The following FA2H variants were observed in gnomAD, a reference collection of about 807,000 sequenced individuals.
FA2H encodes the protein fatty acid 2-hydroxylase.
FA2H carries 22 observed loss-of-function variants against 44.9 expected under a neutral mutation model. The observed-to-expected ratio is 0.49, with a 90% CI of 0.35 to 0.70. The LOEUF (loss-of-function observed/expected upper bound fraction) is 0.70. Among genes scored for constraint, FA2H ranks in the 30% least tolerant of loss-of-function variants. The pLI, the probability that FA2H is intolerant of heterozygous loss-of-function variation, is 0.01. For missense variants in FA2H, 501 were observed against 504.9 expected (o/e 0.99, Z 0.07); for synonymous variants, 243 against 213.2 (o/e 1.14, Z -1.22).
intron 1 of FA2H, among the ~76,000 whole-genome samples, chr16:74,753,457 G>A (rs950060603): frequency 2.0e-5 from 3 of 152,182 alleles, no homozygotes; most frequent in African/African-American, 7.2e-5. Context: ...CGAGGCGGAT[G>A]GATCATGAGG....
intron 4 of FA2H, among the ~76,000 whole-genome samples, chr16:74,723,725 G>C (rs1961888981): frequency 6.6e-6 from 1 of 152,148 alleles, no homozygotes; most frequent in African/African-American, 2.4e-5. Flanking sequence ...GAAGTGCAGA[G>C]AGCACAGGCA....
intron 1 of FA2H, among the ~76,000 whole-genome samples, chr16:74,772,443 T>C (rs1962927598): frequency 6.6e-6 from 1 of 152,218 alleles, no homozygotes; most frequent in African/African-American, 2.4e-5. Flanking sequence ...ATTATCCCAT[T>C]AGCTCCATGA....
In FA2H at chr16:74,774,659, G is replaced by C; in HGVS notation, c.97C>G (p.Leu33Val). The change falls in exon 1 of 7, where the codon CTC becomes GTC. Residue 33 changes from leucine (L) to valine (V), a missense_variant. Transcript: ENST00000219368. ...CGCACGAAGCTGGAGAGGTCGTAGAGGCGGGCCCCGCGGCGGACCCAGCAC... is the reference window on the plus strand; with the variant it reads ...CGCACGAAGCTGGAGAGGTCGTAGACGCGGGCCCCGCGGCGGACCCAGCAC... ...GACWVRRGARLYDLSSFVRHH... is the reference protein window; with the variant it reads ...GACWVRRGARVYDLSSFVRHH... 1 of 1,442,686 alleles carries C rather than the reference G, an allele frequency of 6.9e-7. No individual in the cohort carries two copies. The highest frequency in any genetic ancestry group is 9.1e-7 in the Non-Finnish European group (1 of 1,101,012). The allele number at this position is 1,442,686 out of a possible 1,614,324, so 89.4% of individuals were successfully genotyped here. A position where few individuals can be genotyped will look rare whatever the true frequency, so the allele number is the denominator to read the frequency against.
At chr16:74,748,738 A>C (rs1331843667) in intron 1 of FA2H, among the ~76,000 whole-genome samples, 3 of 149,758 alleles carry the variant, frequency 2.0e-5, no homozygotes, top group Non-Finnish European at 4.5e-5. Flanking sequence ...TCCACCATAG[A>C]GGCCGCGTGA....
chr16:74,726,641 C>T (rs542605204), intron 3 of FA2H, among the ~76,000 whole-genome samples: 2 of 152,368 alleles, frequency 1.3e-5, no homozygotes, highest in African/African-American at 4.8e-5. Context: ...CCCACCTTGG[C>T]CTCCCAAAGT....
At chr16:74,756,029 G>C (rs769946553) in intron 1 of FA2H, among the ~76,000 whole-genome samples, 2 of 152,184 alleles carry the variant, frequency 1.3e-5, no homozygotes, top group South Asian at 2.1e-4. Flanking sequence ...TGAAAGGAAC[G>C]AGGAGGAGAT....
intron 1 of FA2H, among the ~76,000 whole-genome samples, chr16:74,753,093 G>C (rs1962557076): frequency 6.6e-6 from 1 of 152,248 alleles, no homozygotes; most frequent in Admixed American, 6.5e-5. Context: ...GTGTGGGTGT[G>C]ATCCCTGCGT....
At chr16:74,742,561 C>T (rs191625727) in intron 1 of FA2H, among the ~76,000 whole-genome samples, 9 of 152,286 alleles carry the variant, frequency 5.9e-5, no homozygotes, top group East Asian at 5.8e-4. Flanking sequence ...AAGGCAGGCA[C>T]GGTAGCCGAT....
chr16:74,749,818 C>T (rs1467868447), intron 1 of FA2H, among the ~76,000 whole-genome samples: 1 of 152,164 alleles, frequency 6.6e-6, no homozygotes, highest in African/African-American at 2.4e-5. Context: ...CCTCTAACCT[C>T]GGATTAGGGC....
At chr16:74,742,711 G>A (rs913091001) in intron 1 of FA2H, among the ~76,000 whole-genome samples, 25 of 152,184 alleles carry the variant, frequency 1.6e-4, no homozygotes, top group Admixed American at 3.3e-4. Context: ...GGTAGTGTGC[G>A]CTTGCAGTCC....
intron 5 of FA2H, chr16:74,716,844 G>GGGATGGGCA (rs934509108): frequency 1.9e-5 from 10 of 525,000 alleles, no homozygotes; most frequent in East Asian, 9.6e-5. Context: ...TGGGATGGGC[G>GGGATGGGCA]GGATGGGCAG....
At chr16:74,727,435 A>G in intron 2 of FA2H, 49 bp from the exon 3 acceptor site, 1 of 1,597,886 alleles carries the variant, frequency 6.3e-7, no homozygotes. Context: ...GTCTTCCCAT[A>G]TTCGTTCTCC....
At chr16:74,739,200 C>A (rs1379172296) in intron 2 of FA2H, among the ~76,000 whole-genome samples, 1 of 152,176 alleles carries the variant, frequency 6.6e-6, no homozygotes, top group East Asian at 1.9e-4. Flanking sequence ...GCTGTGAGCT[C>A]TCGCAGGGAG....
At chr16:74,734,726 G>A (rs891364890) in intron 2 of FA2H, among the ~76,000 whole-genome samples, 16 of 152,208 alleles carry the variant, frequency 1.1e-4, no homozygotes, top group African/African-American at 3.6e-4. Context: ...ACAGGGCCAG[G>A]TGGCATAGGA....
chr16:74,749,625 C>T (rs1351799137), intron 1 of FA2H, among the ~76,000 whole-genome samples: 1 of 152,160 alleles, frequency 6.6e-6, no homozygotes, highest in African/African-American at 2.4e-5. Flanking sequence ...ACCTCGACAC[C>T]GGAAGCCTAA....
chr16:74,723,306 C>T (rs977004190), intron 4 of FA2H, among the ~76,000 whole-genome samples: 2 of 152,210 alleles, frequency 1.3e-5, no homozygotes, highest in East Asian at 3.9e-4. Context: ...CCCTGGATCT[C>T]CCTGCTCAGG....
intron 1 of FA2H, among the ~76,000 whole-genome samples, chr16:74,754,854 T>G (rs1354295632): frequency 1.3e-5 from 2 of 151,986 alleles, no homozygotes; most frequent in African/African-American, 4.8e-5. Context: ...ATGTAATCAA[T>G]GTAAGATGAG....
At chr16:74,741,610 A>G (rs1962296514) in intron 1 of FA2H, among the ~76,000 whole-genome samples, 1 of 151,434 alleles carries the variant, frequency 6.6e-6, no homozygotes, top group Non-Finnish European at 1.5e-5. Flanking sequence ...ACAGGTGCAC[A>G]TGACCACACC....
intron 2 of FA2H, among the ~76,000 whole-genome samples, chr16:74,736,161 C>T (rs1211715824): frequency 1.3e-5 from 2 of 152,168 alleles, no homozygotes. Context: ...ATTTTTTGAG[C>T]ACCGCTGAGC....
Sources: gnomAD v4.1 joint callset for allele counts (sites outside exome capture counted in the v4.1 genomes callset) on GRCh38, gnomAD v4.1.1 for gene constraint, MANE v1.5 for transcripts, NCBI Gene and HGNC (gene_info 2026-07-23, HGNC 2026-07-21) for gene names.